Variants in PTPRO observed in about 807,000 individuals in gnomAD.
The protein encoded by PTPRO is protein tyrosine phosphatase receptor type O.
A neutral mutation model predicts 145.2 loss-of-function variants in PTPRO; 62 were observed. The ratio of observed to expected loss-of-function variants is 0.43; its 90% confidence interval spans 0.35 to 0.53. The LOEUF is 0.53. Among genes scored for constraint, PTPRO ranks in the 20% least tolerant of loss-of-function variants. The pLI is 0.01. For synonymous variants in PTPRO, 565 were observed against 514.7 expected (o/e 1.10, Z -1.32); for missense variants, 1,345 against 1,482.7 (o/e 0.91, Z 1.53).
At chr12:15,499,362 C>A (rs1942171320) in intron 3 of PTPRO, 80 bp from the exon 4 acceptor site, 2 of 1,346,640 alleles carry the variant, frequency 1.5e-6, no homozygotes, top group Non-Finnish European at 2.1e-6. Context: ...GAATGTTTAG[C>A]CATAATTGTT....
At chr12:15,555,613 A>G (rs1943600742) in intron 15 of PTPRO, among the ~76,000 whole-genome samples, 1 of 152,224 alleles carries the variant, frequency 6.6e-6, no homozygotes, top group Non-Finnish European at 1.5e-5. Flanking sequence ...GGAGGTGGTA[A>G]TAGATGTAAT....
Position 15,526,235 on chromosome 12 carries a change from AC to A in PTPRO, c.2139del (p.Ser714ProfsTer8). 1 of 1,613,922 alleles carries A rather than the reference AC, an allele frequency of 6.2e-7. No individual in the cohort carries two copies. Among genetic ancestry groups the A allele is most frequent in the Non-Finnish European group, 8.5e-7 (1 of 1,179,906 alleles). ...VTACTERGSN[T>X]SMLRLVKLEP... is the part of the protein sequence containing the mutation. ...TGCTTGTACTGAAAGAGGAAGTAAT[AC>A]CTCCATGCTCCGCCTTGTCAAGCTA... On this transcript the variant is annotated frameshift_variant, in exon 12 of 27. Transcript: ENST00000281171. LOFTEE classifies it high-confidence loss of function.
chr12:15,358,038 A>T (rs1372858248), intron 1 of PTPRO, among the ~76,000 whole-genome samples: 1 of 151,776 alleles, frequency 6.6e-6, no homozygotes, highest in East Asian at 1.9e-4. Flanking sequence ...CATATACACC[A>T]TGGAATACTA....
At chr12:15,557,550 T>C (rs1412384610) in intron 16 of PTPRO, 27 bp downstream of exon 16, 4 of 1,597,774 alleles carry the variant, frequency 2.5e-6, no homozygotes, top group Non-Finnish European at 3.4e-6. Context: ...AACAAGCTTC[T>C]ACATAGTTTA....
At chr12:15,548,975 C>A (rs1943378305) in intron 13 of PTPRO, 119 bp from the exon 14 acceptor site, 5 of 1,145,178 alleles carry the variant, frequency 4.4e-6, no homozygotes, top group Non-Finnish European at 6.5e-6. Context: ...CAATGCTATT[C>A]TTTGTCATCT....
intron 12 of PTPRO, among the ~76,000 whole-genome samples, chr12:15,541,783 G>A (rs1023631830): frequency 6.6e-6 from 1 of 152,208 alleles, no homozygotes; most frequent in Non-Finnish European, 1.5e-5. Flanking sequence ...TGGCTGAGGT[G>A]GGTGGATCAC....
At chr12:15,568,965 A>C (rs1203326346) in intron 18 of PTPRO, among the ~76,000 whole-genome samples, 1 of 152,194 alleles carries the variant, frequency 6.6e-6, no homozygotes, top group Non-Finnish European at 1.5e-5. Context: ...TGTAGCTGTA[A>C]CTACTGTATT....
At chr12:15,582,477 G>A (rs1361714185) in intron 23 of PTPRO, among the ~76,000 whole-genome samples, 1 of 152,212 alleles carries the variant, frequency 6.6e-6, no homozygotes, top group Admixed American at 6.5e-5. Context: ...TGGTGTGGAT[G>A]ATATGGTTGG....
chr12:15,385,356 T>C (rs1475486040), intron 1 of PTPRO, among the ~76,000 whole-genome samples: 1 of 152,078 alleles, frequency 6.6e-6, no homozygotes, highest in Non-Finnish European at 1.5e-5. Flanking sequence ...CAACTACGGA[T>C]TCAGACACCT....
intron 1 of PTPRO, among the ~76,000 whole-genome samples, chr12:15,362,422 A>G (rs1174245843): frequency 6.6e-6 from 1 of 152,236 alleles, no homozygotes; most frequent in Admixed American, 6.5e-5. Flanking sequence ...GAAGTTCAAT[A>G]TAATTCCATT....
At chr12:15,558,027 T>C (rs1293008190) in intron 16 of PTPRO, among the ~76,000 whole-genome samples, 1 of 152,124 alleles carries the variant, frequency 6.6e-6, no homozygotes, top group Non-Finnish European at 1.5e-5. Context: ...CTCTGCCTCC[T>C]GGGCTCAAGT....
chr12:15,530,373 A>G (rs1478124752), intron 12 of PTPRO, among the ~76,000 whole-genome samples: 2 of 152,214 alleles, frequency 1.3e-5, no homozygotes, highest in African/African-American at 4.8e-5. Flanking sequence ...ATGAGACCCG[A>G]TAGGCCTAAT....
At chr12:15,594,905 G>A in intron 25 of PTPRO, 32 bp from the exon 26 acceptor site, 2 of 1,478,036 alleles carry the variant, frequency 1.4e-6, no homozygotes, top group Non-Finnish European at 1.9e-6. Context: ...GCACATGTCT[G>A]CTCTGAAACC....
chr12:15,540,401 A>G (rs1246689320), intron 12 of PTPRO, among the ~76,000 whole-genome samples: 9 of 152,258 alleles, frequency 5.9e-5, no homozygotes, highest in Non-Finnish European at 1.3e-4. Context: ...TTGAAAATAA[A>G]TGTTGTTATG....
chr12:15,535,596 G>C (rs79304708), intron 12 of PTPRO, among the ~76,000 whole-genome samples: 1 of 152,212 alleles, frequency 6.6e-6, no homozygotes, highest in Non-Finnish European at 1.5e-5. Context: ...ACAAGCTGGC[G>C]CTTAGAGAAA....
intron 1 of PTPRO, among the ~76,000 whole-genome samples, chr12:15,437,461 G>T (rs1315422901): frequency 6.6e-6 from 1 of 151,536 alleles, no homozygotes; most frequent in South Asian, 2.1e-4. Context: ...TCACACTCAG[G>T]CAGATCACCA....
chr12:15,341,206 T>G (rs1163153898), intron 1 of PTPRO, among the ~76,000 whole-genome samples: 1 of 152,238 alleles, frequency 6.6e-6, no homozygotes, highest in Non-Finnish European at 1.5e-5. Flanking sequence ...TTAAAGAGAT[T>G]AATTCATTTG....
chr12:15,498,339 G>T (rs1942149750), intron 3 of PTPRO, among the ~76,000 whole-genome samples: 1 of 152,194 alleles, frequency 6.6e-6, no homozygotes, highest in African/African-American at 2.4e-5. Context: ...CAGATCACTT[G>T]CGTTCAGGAG....
chr12:15,414,597 G>A (rs1277115759), intron 1 of PTPRO, among the ~76,000 whole-genome samples: 1 of 152,090 alleles, frequency 6.6e-6, no homozygotes, highest in Non-Finnish European at 1.5e-5. Context: ...CTTTCTAAGA[G>A]CCATTATGGT....
Sources: gnomAD v4.1 joint callset for allele counts (sites outside exome capture counted in the v4.1 genomes callset) on GRCh38, gnomAD v4.1.1 for gene constraint, MANE v1.5 for transcripts, NCBI Gene and HGNC (gene_info 2026-07-23, HGNC 2026-07-21) for gene names.